GALNTL6: variants seen among roughly 807,000 people sequenced by gnomAD.
GALNTL6 encodes polypeptide N-acetylgalactosaminyltransferase-like 6.
Under a neutral mutation model 73.7 loss-of-function variants are expected in GALNTL6, and 46 were observed. The observed-to-expected ratio is 0.62, with a 90% CI of 0.49 to 0.80. The LOEUF (loss-of-function observed/expected upper bound fraction) is 0.80. GALNTL6 is among the 30% of genes least tolerant of loss of function. GALNTL6 has a pLI of 0.00. For missense variants in GALNTL6, 604 were observed against 755.0 expected (o/e 0.80, Z 2.34); for synonymous variants, 259 against 263.7 (o/e 0.98, Z 0.17).
intron 2 of GALNTL6, among the ~76,000 whole-genome samples, chr4:171,967,447 G>GTTTTTTTTTGTTTGTTTTTTTTTT (rs1560863069): frequency 7.0e-5 from 1 of 14,330 alleles, no homozygotes. Context: ...CCCCCTATGG[G>GTTTTTTTTTGTTTGTTTTTTTTTT]TTTTTTTTTT....
chr4:172,412,993 C>T (rs998442159), intron 5 of GALNTL6, among the ~76,000 whole-genome samples: 2 of 152,148 alleles, frequency 1.3e-5, no homozygotes, highest in Non-Finnish European at 2.9e-5. Context: ...AGCAGCAGTG[C>T]CTGTCATTTC....
At chr4:171,821,828 G>A (rs185202921) in intron 2 of GALNTL6, among the ~76,000 whole-genome samples, 14 of 152,034 alleles carry the variant, frequency 9.2e-5, no homozygotes, top group Admixed American at 2.0e-4. Flanking sequence ...GAGGACTGTT[G>A]AATAAGCCAA....
At chr4:171,893,223 G>A (rs747288747) in intron 2 of GALNTL6, among the ~76,000 whole-genome samples, 2 of 152,094 alleles carry the variant, frequency 1.3e-5, no homozygotes, top group African/African-American at 2.4e-5. Flanking sequence ...CATCCATAAG[G>A]GGCAGGAATT....
At chr4:171,893,691 T>C (rs1350427329) in intron 2 of GALNTL6, among the ~76,000 whole-genome samples, 1 of 152,176 alleles carries the variant, frequency 6.6e-6, no homozygotes, top group Non-Finnish European at 1.5e-5. Flanking sequence ...TATTTAAAAA[T>C]ATTTAAGAAC....
chr4:173,010,482 A>C (rs889882446), intron 11 of GALNTL6, among the ~76,000 whole-genome samples: 1 of 152,202 alleles, frequency 6.6e-6, no homozygotes. Context: ...ATGGGAGTGC[A>C]GGTGTCTCCT....
intron 5 of GALNTL6, among the ~76,000 whole-genome samples, chr4:172,803,188 G>T (rs1740755762): frequency 6.6e-6 from 1 of 152,130 alleles, no homozygotes; most frequent in African/African-American, 2.4e-5. Flanking sequence ...CCTAAAGCTG[G>T]GGTCCCCAAC....
chr4:172,118,128 C>CG lies in GALNTL6; in HGVS notation c.139-111526dup, dbSNP rs35938656. Among the ~76,000 whole-genome samples, 1,235 of 151,858 alleles carry CG rather than the reference C, an allele frequency of 8.1e-3. 20 individuals carry two copies. Among genetic ancestry groups the CG allele is most frequent in the African/African-American group, 0.028 (1,167 of 41,410 alleles). On this transcript the variant is annotated intron_variant, in intron 2 of 12. Transcript: ENST00000506823. ...TGATTGAGATGTGGAGAGTAGACAG[C>CG]GGTATAGGTGGTAGATGAATGAAAA...
chr4:172,771,973 A>G (rs1738792106), intron 5 of GALNTL6, among the ~76,000 whole-genome samples: 2 of 152,182 alleles, frequency 1.3e-5, no homozygotes, highest in Admixed American at 6.5e-5. Context: ...AATTTACAGA[A>G]GAAGGAGCTT....
intron 2 of GALNTL6, among the ~76,000 whole-genome samples, chr4:172,049,812 C>T (rs1221497984): frequency 2.0e-5 from 3 of 152,030 alleles, no homozygotes; most frequent in Non-Finnish European, 2.9e-5. Context: ...GGTGGAACCC[C>T]GTCTCTACTA....
At chr4:171,905,673 A>C (rs906922285) in intron 2 of GALNTL6, among the ~76,000 whole-genome samples, 3 of 150,546 alleles carry the variant, frequency 2.0e-5, no homozygotes, top group South Asian at 4.1e-4. Flanking sequence ...TCTCCACCCC[A>C]ATTCAACAGA....
At chr4:172,722,424 A>G (rs1016612748) in intron 5 of GALNTL6, among the ~76,000 whole-genome samples, 1 of 152,190 alleles carries the variant, frequency 6.6e-6, no homozygotes, top group African/African-American at 2.4e-5. Flanking sequence ...TATTTTTTAC[A>G]TTTTAAAAAT....
chr4:172,017,303 C>T (rs1270704270), intron 2 of GALNTL6, among the ~76,000 whole-genome samples: 1 of 152,154 alleles, frequency 6.6e-6, no homozygotes, highest in Non-Finnish European at 1.5e-5. Context: ...CCATTCAGAT[C>T]AGACAGGCAC....
At chr4:172,982,848 T>G (rs1377373735) in intron 10 of GALNTL6, among the ~76,000 whole-genome samples, 10 of 152,080 alleles carry the variant, frequency 6.6e-5, no homozygotes, top group Admixed American at 6.6e-4. Context: ...GAGGTATAAA[T>G]CCAATGAAAA....
At chr4:172,326,387 A>G (rs904884039) in intron 4 of GALNTL6, among the ~76,000 whole-genome samples, 6 of 151,972 alleles carry the variant, frequency 3.9e-5, no homozygotes, top group African/African-American at 1.4e-4. Context: ...AAGCTTTGTT[A>G]TCGGGTGCAT....
At chr4:172,484,680 T>C (rs552828315) in intron 5 of GALNTL6, among the ~76,000 whole-genome samples, 1 of 152,292 alleles carries the variant, frequency 6.6e-6, no homozygotes, top group Admixed American at 6.5e-5. Flanking sequence ...CAGAAGTAAA[T>C]GTTTCTAGTA....
chr4:172,620,837 A>G (rs1165845307), intron 5 of GALNTL6, among the ~76,000 whole-genome samples: 1 of 152,176 alleles, frequency 6.6e-6, no homozygotes, highest in African/African-American at 2.4e-5. Context: ...TATTTTCCAC[A>G]GTCCTTATTC....
At chr4:172,843,579 A>G (rs773297735) in intron 7 of GALNTL6, among the ~76,000 whole-genome samples, 2 of 152,130 alleles carry the variant, frequency 1.3e-5, no homozygotes, top group Non-Finnish European at 2.9e-5. Flanking sequence ...ACTCTTTTCC[A>G]TGCTCTGGTG....
intron 5 of GALNTL6, among the ~76,000 whole-genome samples, chr4:172,588,350 T>G (rs1227240618): frequency 6.6e-6 from 1 of 151,862 alleles, no homozygotes; most frequent in African/African-American, 2.4e-5. Flanking sequence ...TCCCAGCACT[T>G]TGAGAGGCCG....
intron 5 of GALNTL6, among the ~76,000 whole-genome samples, chr4:172,433,956 A>G (rs1272339910): frequency 6.6e-6 from 1 of 152,084 alleles, no homozygotes; most frequent in Non-Finnish European, 1.5e-5. Context: ...ACATACTCAC[A>G]TACATTTAAT....
Sources: gnomAD v4.1 joint callset for allele counts (sites outside exome capture counted in the v4.1 genomes callset) on GRCh38, gnomAD v4.1.1 for gene constraint, MANE v1.5 for transcripts, NCBI Gene and HGNC (gene_info 2026-07-23, HGNC 2026-07-21) for gene names.